The following CAMKMT variants were observed in gnomAD, a reference collection of about 807,000 sequenced individuals.
CAMKMT encodes the protein CaM KMT.
Under a neutral mutation model 48.0 loss-of-function variants are expected in CAMKMT, and 53 were observed. The observed-to-expected ratio is 1.10, with a 90% CI of 0.89 to 1.39. CAMKMT has a LOEUF of 1.39. Among genes scored for constraint, CAMKMT ranks in the 40% most tolerant of loss-of-function variants. The pLI is 0.00. For missense variants in CAMKMT, 428 were observed against 402.7 expected, an observed-to-expected ratio of 1.06 and a Z score of -0.54; for synonymous variants, 165 against 152.3, an observed-to-expected ratio of 1.08 and a Z score of -0.61.
intron 3 of CAMKMT, among the ~76,000 whole-genome samples, chr2:44,532,551 C>T (rs1572731150): frequency 6.6e-6 from 1 of 152,164 alleles, no homozygotes; most frequent in Admixed American, 6.5e-5. Context: ...TCCCCTCAAA[C>T]AGCTTAAACC....
chr2:44,558,953 C>CTG (rs1347949779), intron 3 of CAMKMT, among the ~76,000 whole-genome samples: 11 of 87,352 alleles, frequency 1.3e-4, no homozygotes, highest in Admixed American at 6.8e-4. Context: ...GAAAATGTGT[C>CTG]TCTGTGTGTG....
At chr2:44,541,954 C>A (rs188002875) in intron 3 of CAMKMT, among the ~76,000 whole-genome samples, 1 of 151,968 alleles carries the variant, frequency 6.6e-6, no homozygotes, top group East Asian at 1.9e-4. Flanking sequence ...CATGGAGAAA[C>A]CCTGTCTCTA....
chr2:44,531,573 C>G (rs1666487024), intron 3 of CAMKMT, among the ~76,000 whole-genome samples: 2 of 152,032 alleles, frequency 1.3e-5, no homozygotes, highest in African/African-American at 2.4e-5. Flanking sequence ...TCATGGGAGC[C>G]AATACTTTGT....
chr2:44,535,315 A>G (rs564468420), intron 3 of CAMKMT, among the ~76,000 whole-genome samples: 1 of 152,258 alleles, frequency 6.6e-6, no homozygotes, highest in South Asian at 2.1e-4. Flanking sequence ...TACCAAATGT[A>G]TAAAGAAGGA....
chr2:44,489,771 A>G (rs1308770360), intron 3 of CAMKMT, among the ~76,000 whole-genome samples: 2 of 152,220 alleles, frequency 1.3e-5, no homozygotes, highest in African/African-American at 4.8e-5. Context: ...AAAGAACAAG[A>G]AAAACCTAAT....
At chr2:44,571,660 G>C (rs975174407) in intron 3 of CAMKMT, among the ~76,000 whole-genome samples, 5 of 151,926 alleles carry the variant, frequency 3.3e-5, no homozygotes, top group African/African-American at 9.7e-5. Flanking sequence ...GGCCTTCTTT[G>C]ATCTGATCTT....
intron 8 of CAMKMT, among the ~76,000 whole-genome samples, chr2:44,747,178 C>T (rs1302831730): frequency 1.3e-5 from 2 of 152,180 alleles, no homozygotes; most frequent in African/African-American, 4.8e-5. Flanking sequence ...CCCGATTGCT[C>T]TCTCAGCGTT....
At chr2:44,755,417 A>G (rs1214033851) in intron 9 of CAMKMT, among the ~76,000 whole-genome samples, 1 of 152,140 alleles carries the variant, frequency 6.6e-6, no homozygotes, top group Admixed American at 6.5e-5. Flanking sequence ...CATTTGCAAG[A>G]CTAGGATTTT....
At chr2:44,705,787 A>C (rs1439442210) in intron 4 of CAMKMT, among the ~76,000 whole-genome samples, 1 of 152,140 alleles carries the variant, frequency 6.6e-6, no homozygotes, top group Non-Finnish European at 1.5e-5. Flanking sequence ...AGTTTGTTTA[A>C]GAATTTTTTT....
intron 5 of CAMKMT, 145 bp downstream of exon 5, chr2:44,706,486 C>A: frequency 5.6e-6 from 4 of 708,026 alleles, no homozygotes; most frequent in Non-Finnish European, 9.9e-6. Context: ...TCTAGATTGA[C>A]TTACTTTCGG....
intron 8 of CAMKMT, among the ~76,000 whole-genome samples, chr2:44,745,391 T>G (rs1319636334): frequency 6.6e-6 from 1 of 152,218 alleles, no homozygotes; most frequent in Admixed American, 6.5e-5. Context: ...TGATTAATGT[T>G]CTCAGGTTAA....
chr2:44,386,159 A>T (rs1313009023), intron 2 of CAMKMT, among the ~76,000 whole-genome samples: 2 of 151,788 alleles, frequency 1.3e-5, no homozygotes, highest in African/African-American at 4.8e-5. Flanking sequence ...GCTGCTTGTT[A>T]TTGTTCTGTT....
intron 7 of CAMKMT, among the ~76,000 whole-genome samples, chr2:44,726,652 G>T (rs967300190): frequency 7.2e-5 from 11 of 152,116 alleles, no homozygotes; most frequent in African/African-American, 2.7e-4. Flanking sequence ...TTTTGTTTTT[G>T]TTGCAGTTGC....
chr2:44,771,328 T>C (rs1382214342), intron 10 of CAMKMT, among the ~76,000 whole-genome samples: 1 of 152,212 alleles, frequency 6.6e-6, no homozygotes. Context: ...TTTTATTTGC[T>C]AGAATAAATA....
intron 7 of CAMKMT, among the ~76,000 whole-genome samples, chr2:44,724,560 A>G (rs554602553): frequency 2.0e-5 from 3 of 152,270 alleles, no homozygotes; most frequent in African/African-American, 7.2e-5. Flanking sequence ...CCCATTTTAT[A>G]TCCCTGGATT....
At chr2:44,538,661 T>A (rs1001460708) in intron 3 of CAMKMT, among the ~76,000 whole-genome samples, 1 of 152,064 alleles carries the variant, frequency 6.6e-6, no homozygotes, top group Non-Finnish European at 1.5e-5. Context: ...AGACTGCATA[T>A]TGGCCACAAT....
intron 1 of CAMKMT, among the ~76,000 whole-genome samples, chr2:44,367,171 T>A (rs1410059161): frequency 6.6e-6 from 1 of 152,194 alleles, no homozygotes; most frequent in African/African-American, 2.4e-5. Flanking sequence ...AACTGTAGGG[T>A]AACTGGAATT....
chr2:44,741,582 G>C (rs1679678279), intron 7 of CAMKMT, among the ~76,000 whole-genome samples: 1 of 152,216 alleles, frequency 6.6e-6, no homozygotes, highest in South Asian at 2.1e-4. Flanking sequence ...TCTGTCTGCT[G>C]TGCTAAAGCT....
intron 2 of CAMKMT, among the ~76,000 whole-genome samples, chr2:44,378,185 A>T (rs953173596): frequency 8.5e-5 from 13 of 152,194 alleles, no homozygotes; most frequent in African/African-American, 2.9e-4. Context: ...ATTGTGTCAC[A>T]TTTTTATGGA....
Sources: allele counts gnomAD v4.1 joint callset (sites outside exome capture counted in the v4.1 genomes callset), GRCh38; gene constraint gnomAD v4.1.1; transcripts MANE v1.5; gene names NCBI Gene and HGNC (gene_info 2026-07-23, HGNC 2026-07-21).